The following LRRIQ1 variants were observed in gnomAD, a reference collection of about 807,000 sequenced individuals.
LRRIQ1 encodes leucine rich repeats and IQ motif containing 1.
A neutral mutation model predicts 211.9 loss-of-function variants in LRRIQ1; 210 were observed. That is an observed-to-expected ratio of 0.99 (90% CI 0.89 to 1.11). The LOEUF (loss-of-function observed/expected upper bound fraction) is 1.11, where lower values mean the gene tolerates loss of function less well. LRRIQ1 is among the 50% of genes most tolerant of loss of function. The pLI is 0.00. For missense variants in LRRIQ1, 2,136 were observed against 1,939.5 expected, an observed-to-expected ratio of 1.10 and a Z score of -1.90; for synonymous variants, 699 against 650.1, an observed-to-expected ratio of 1.08 and a Z score of -1.14.
chr12:85,077,538 C>G (rs1408868474), intron 11 of LRRIQ1, among the ~76,000 whole-genome samples: 2 of 151,992 alleles, frequency 1.3e-5, no homozygotes, highest in African/African-American at 4.8e-5. Flanking sequence ...GATATTTTAT[C>G]TGGGAAAGAA....
chr12:85,167,961 A>G (rs1891233530), intron 24 of LRRIQ1, among the ~76,000 whole-genome samples: 1 of 152,254 alleles, frequency 6.6e-6, no homozygotes, highest in Non-Finnish European at 1.5e-5. Context: ...AACAACACTT[A>G]AATCCTGTCA....
intron 15 of LRRIQ1, among the ~76,000 whole-genome samples, chr12:85,116,424 G>A (rs1887585531): frequency 6.6e-6 from 1 of 152,124 alleles, no homozygotes; most frequent in African/African-American, 2.4e-5. Flanking sequence ...GATTACAGGC[G>A]TGAGCCACCG....
intron 24 of LRRIQ1, among the ~76,000 whole-genome samples, chr12:85,169,610 T>G (rs1341989304): frequency 6.6e-6 from 1 of 152,206 alleles, no homozygotes; most frequent in Non-Finnish European, 1.5e-5. Flanking sequence ...CTTAGCATTT[T>G]ACACAAATGG....
chr12:85,229,759 A>G, intron 25 of LRRIQ1, 110 bp downstream of exon 25: 7 of 1,052,302 alleles, frequency 6.7e-6, no homozygotes, highest in Non-Finnish European at 9.8e-6. Flanking sequence ...AAAGGCCAAT[A>G]CGCTACGTTG....
At chr12:85,186,559 T>C (rs151119748) in intron 24 of LRRIQ1, among the ~76,000 whole-genome samples, 39 of 152,262 alleles carry the variant, frequency 2.6e-4, no homozygotes, top group African/African-American at 8.9e-4. Context: ...TAACATATGC[T>C]ATCTACCCTG....
At chr12:85,157,197 C>T (rs550744349) in intron 23 of LRRIQ1, among the ~76,000 whole-genome samples, 17 of 151,602 alleles carry the variant, frequency 1.1e-4, no homozygotes, top group African/African-American at 1.7e-4. Context: ...ACAAACTGAG[C>T]GAGGAAAGAT....
intron 11 of LRRIQ1, among the ~76,000 whole-genome samples, chr12:85,076,909 G>A (rs1008571790): frequency 7.9e-5 from 12 of 152,022 alleles, no homozygotes; most frequent in African/African-American, 2.4e-4. Context: ...TTAGTTTACA[G>A]ATGAAAAAAC....
chr12:85,077,987 CAAA>C (rs113365373), intron 11 of LRRIQ1, among the ~76,000 whole-genome samples: 2 of 144,302 alleles, frequency 1.4e-5, no homozygotes, highest in African/African-American at 2.5e-5. Context: ...GACCCTGTCT[CAAA>C]AAAAAAAAAA....
rs372786297 is a variant in LRRIQ1, at chr12:85,187,184, A to T, written c.4822+26470A>T. On this transcript the variant is annotated intron_variant, in intron 24 of 26. Coordinates refer to ENST00000393217, the MANE Select transcript of LRRIQ1 (RefSeq NM_001079910.2). ...GTTCCTAAATTTTTGTACTCACAGC[A>T]TGGAATGAAGGATGTTGCATGCACA... is the stretch of plus-strand genomic sequence containing the variant. Among the ~76,000 whole-genome samples the T allele has an allele frequency of 1.3e-4, 20 of 152,236 alleles. No homozygotes were observed. The East Asian group carries it at 3.9e-3, about 29-fold the overall frequency.
intron 24 of LRRIQ1, among the ~76,000 whole-genome samples, chr12:85,220,442 T>C (rs998723193): frequency 2.0e-5 from 3 of 151,986 alleles, no homozygotes; most frequent in African/African-American, 7.2e-5. Flanking sequence ...ATGAACACTT[T>C]TGTTGTGCTT....
At chr12:85,153,615 G>A (rs767682938) in intron 21 of LRRIQ1, 48 bp from the exon 22 acceptor site, 8 of 1,180,776 alleles carry the variant, frequency 6.8e-6, no homozygotes, top group Non-Finnish European at 9.7e-6. Flanking sequence ...AAAAAGTGCT[G>A]ATATACTTGT....
intron 23 of LRRIQ1, among the ~76,000 whole-genome samples, chr12:85,157,645 G>A (rs996893575): frequency 6.6e-6 from 1 of 151,838 alleles, no homozygotes; most frequent in East Asian, 1.9e-4. Context: ...TTGAAAACAT[G>A]CAGGGTCAAT....
chr12:85,069,790 G>GT (rs1021098539), intron 10 of LRRIQ1, among the ~76,000 whole-genome samples: 10 of 152,056 alleles, frequency 6.6e-5, no homozygotes, highest in Middle Eastern at 3.4e-3. Context: ...GGGGTTGTTT[G>GT]TTTTTTTCTT....
intron 24 of LRRIQ1, among the ~76,000 whole-genome samples, chr12:85,173,897 T>C (rs1446215409): frequency 6.6e-6 from 1 of 152,108 alleles, no homozygotes; most frequent in Admixed American, 6.6e-5. Flanking sequence ...GAAGAGTCTT[T>C]CTGAAGATTC....
chr12:85,229,075 G>A (rs1894807257), intron 24 of LRRIQ1, among the ~76,000 whole-genome samples: 1 of 152,108 alleles, frequency 6.6e-6, no homozygotes, highest in East Asian at 1.9e-4. Context: ...TCAGTTTTAT[G>A]TAAATGAAAA....
At chr12:85,217,502 ATATATATGTGTGTGTGTG>A (rs1481238303) in intron 24 of LRRIQ1, among the ~76,000 whole-genome samples, 100 of 78,026 alleles carry the variant, frequency 1.3e-3, no homozygotes, top group African/African-American at 9.9e-3. Flanking sequence ...GTATATATAT[ATATATATGTGTGTGTGTG>A]TGTGTGTGTG....
chr12:85,187,246 C>T (rs1045775685), intron 24 of LRRIQ1, among the ~76,000 whole-genome samples: 3 of 152,080 alleles, frequency 2.0e-5, no homozygotes, highest in African/African-American at 7.2e-5. Flanking sequence ...GCTTTCCTTA[C>T]AGTTTAAAAG....
At chr12:85,266,188 T>A (rs189131677), downstream of LRRIQ1, among the ~76,000 whole-genome samples, 1 of 152,234 alleles carries the variant, frequency 6.6e-6, no homozygotes, top group Admixed American at 6.6e-5. Flanking sequence ...GCCCCTGACT[T>A]GTAATCTATT....
At chr12:85,272,033 A>C in the LRRIQ1 span, among the ~76,000 whole-genome samples, 1 of 152,174 alleles carries the variant, frequency 6.6e-6, no homozygotes, top group Non-Finnish European at 1.5e-5. Flanking sequence ...CATGGTGTTC[A>C]CCTCTAGAAC....
Sources: allele counts gnomAD v4.1 joint callset (sites outside exome capture counted in the v4.1 genomes callset), GRCh38; gene constraint gnomAD v4.1.1; transcripts MANE v1.5; gene names NCBI Gene and HGNC (gene_info 2026-07-23, HGNC 2026-07-21).